SPOPL: variants seen among roughly 807,000 people sequenced by gnomAD.
SPOPL encodes speckle type BTB/POZ protein like.
SPOPL carries 23 observed loss-of-function variants against 53.8 expected under a neutral mutation model. The observed-to-expected ratio is 0.43, with a 90% CI of 0.31 to 0.61. SPOPL has a LOEUF of 0.61. SPOPL is among the 20% of genes least tolerant of loss of function. The pLI is 0.12. For missense variants in SPOPL, 442 were observed against 466.9 expected, an observed-to-expected ratio of 0.95 and a Z score of 0.49; for synonymous variants, 164 against 149.7, an observed-to-expected ratio of 1.10 and a Z score of -0.70.
chr2:138,567,020 CATTT>C (rs1181865413), intron 10 of SPOPL, among the ~76,000 whole-genome samples: 1 of 152,156 alleles, frequency 6.6e-6, no homozygotes, highest in Non-Finnish European at 1.5e-5. Flanking sequence ...GTTGATCATT[CATTT>C]GACAGATACT....
At chr2:138,558,539 G>T (rs917181410) in intron 5 of SPOPL, among the ~76,000 whole-genome samples, 5 of 151,944 alleles carry the variant, frequency 3.3e-5, no homozygotes, top group Admixed American at 2.0e-4. Context: ...TTCTCAATTT[G>T]CATATCATAG....
intron 1 of SPOPL, among the ~76,000 whole-genome samples, chr2:138,524,357 G>A (rs1320678093): frequency 1.3e-5 from 2 of 152,320 alleles, no homozygotes; most frequent in Non-Finnish European, 2.9e-5. Context: ...CTCCAGGCCT[G>A]AGATGGGAGG....
chr2:138,525,365 A>G (rs997331314), intron 1 of SPOPL, among the ~76,000 whole-genome samples: 3 of 152,146 alleles, frequency 2.0e-5, no homozygotes, highest in Admixed American at 2.0e-4. Context: ...GAGCTACAAG[A>G]TGAGATTTGG....
chr2:138,552,556 A>G lies in SPOPL; in HGVS notation c.355A>G (p.Ser119Gly). 1 of 1,602,208 alleles carries G rather than the reference A, an allele frequency of 6.2e-7. No individual in the cohort carries two copies. Among genetic ancestry groups the G allele is most frequent in the East Asian group, 2.2e-5 (1 of 44,670 alleles). The change falls in exon 5 of 11, where the codon AGC becomes GGC. Residue 119 changes from serine to glycine, a missense_variant and splice_region_variant. By Grantham distance (56) the Ser-to-Gly change is moderately conservative (BLOSUM62 0). Transcript: ENST00000280098. ...AKREETKAME[S>G]QRAYRFVQGK... is the part of the protein sequence containing the mutation. ...AACTCTATTCTGTTTTCCACCAGAA[A>G]GCCAAAGAGCATATCGATTTGTGCA...
At position 138,550,889 on chromosome 2, in the gene SPOPL, T is replaced by C; in HGVS notation, c.201-14T>C. On this transcript the variant is annotated splice_polypyrimidine_tract_variant and intron_variant, in intron 3 of 10. Transcript: ENST00000280098. The stretch of plus-strand genomic sequence containing the variant: ...TATTATATTCCTCCATGTGAGCTTA[T>C]TGTTTTATTTTAGGTGCCTGAGGGT... The C allele has an allele frequency of 6.3e-7, 1 of 1,599,954 alleles. No homozygotes were observed.
At chr2:138,550,652 A>G (rs1169321718) in intron 3 of SPOPL, 48 bp downstream of exon 3, 2 of 1,565,528 alleles carry the variant, frequency 1.3e-6, no homozygotes, top group Admixed American at 1.9e-5. Context: ...TTTTGATGTG[A>G]TCATCAGCTG....
At chr2:138,518,691 A>G (rs1684496976) in intron 1 of SPOPL, among the ~76,000 whole-genome samples, 3 of 152,180 alleles carry the variant, frequency 2.0e-5, no homozygotes, top group African/African-American at 7.2e-5. Context: ...TCTTTTTCCA[A>G]CTGCACATCC....
chr2:138,563,122 G>A (rs1685586102), intron 8 of SPOPL, among the ~76,000 whole-genome samples: 1 of 152,068 alleles, frequency 6.6e-6, no homozygotes, highest in African/African-American at 2.4e-5. Flanking sequence ...AGAAAACAAT[G>A]TTATTTCTAA....
chr2:138,545,054 A>G (rs968424107), intron 1 of SPOPL, among the ~76,000 whole-genome samples: 1 of 152,090 alleles, frequency 6.6e-6, no homozygotes, highest in Non-Finnish European at 1.5e-5. Flanking sequence ...GGCTATAACT[A>G]ATACATTTGC....
intron 1 of SPOPL, among the ~76,000 whole-genome samples, chr2:138,518,633 C>T (rs1387860180): frequency 1.3e-5 from 2 of 152,150 alleles, no homozygotes; most frequent in South Asian, 2.1e-4. Context: ...CCAGAAAGTT[C>T]CCTCAAAGGT....
At position 138,571,265 on chromosome 2, in the gene SPOPL, T is replaced by G. The variant is rs549312549; in HGVS notation, c.*2185T>G. 6.6e-6 allele frequency: 1 copy of G among 152,564 alleles called. No individual in the cohort carries two copies. Among genetic ancestry groups the G allele is most frequent in the Non-Finnish European group, 1.5e-5 (1 of 68,026 alleles). 9.5% of individuals were successfully genotyped at this position (152,564 alleles called of 1,614,324 possible). On this transcript the variant is annotated 3_prime_UTR_variant, in exon 11 of 11. Transcript: ENST00000280098. ...TGCGCACCACACCGGCACATTGTGA[T>G]TTAATTCACCGCTTGAATCTATATT...
At chr2:138,508,042 T>G (rs1350800590) in intron 1 of SPOPL, among the ~76,000 whole-genome samples, 2 of 152,194 alleles carry the variant, frequency 1.3e-5, no homozygotes, top group Non-Finnish European at 2.9e-5. Context: ...GAAGATGTAG[T>G]ACTAAACCTT....
Position 138,571,494 on chromosome 2 carries a change from TAATGCCTACC to T in SPOPL, c.*2416_*2425del, listed in dbSNP as rs1462351758. On this transcript the variant is annotated 3_prime_UTR_variant, in exon 11 of 11. Transcript: ENST00000280098. ...AGAAATGTCCACTTTTCAGATAATA[TAATGCCTACC>T]ATTATACTAACAGAATCATATGGTA... 6.6e-6 allele frequency: 1 copy of T among 152,588 alleles called. No individual in the cohort carries two copies. The highest frequency in any genetic ancestry group is 1.5e-5 in the Non-Finnish European group (1 of 68,016). 9.5% of individuals were successfully genotyped at this position (152,588 alleles called of 1,614,324 possible). A position where few individuals can be genotyped will look rare whatever the true frequency, so the allele number is the denominator to read the frequency against.
Position 138,572,057 on chromosome 2 carries a change from G to A in SPOPL, c.*2977G>A, listed in dbSNP as rs1032945991. The A allele has an allele frequency of 1.3e-5, 2 of 152,244 alleles. No individual in the cohort carries two copies. The highest frequency in any genetic ancestry group is 4.8e-5 in the African/African-American group (2 of 41,338). The allele number at this position is 152,244 out of a possible 1,614,324, so 9.4% of individuals were successfully genotyped here. On this transcript the variant is annotated 3_prime_UTR_variant, in exon 11 of 11. Coordinates refer to ENST00000280098, the MANE Select transcript of SPOPL (RefSeq NM_001001664.3). ...TGTGTTTGTGTACATACCTGTATTT[G>A]CTTGGGGCTTGTGTGTGGTATGTTA...
chr2:138,534,085 C>T (rs1162960052), intron 1 of SPOPL, among the ~76,000 whole-genome samples: 1 of 151,916 alleles, frequency 6.6e-6, no homozygotes, highest in Non-Finnish European at 1.5e-5. Context: ...TGATATACTG[C>T]AAAATTGAAG....
In SPOPL at chr2:138,530,851, G is replaced by A. The variant is rs573131331; in HGVS notation, c.-60-19306G>A. Among the ~76,000 whole-genome samples the A allele has an allele frequency of 3.0e-4, 45 of 151,916 alleles. 2 individuals are homozygous for A. In the South Asian group the frequency reaches 9.2e-3, roughly 31 times the overall value. On this transcript the variant is annotated intron_variant, in intron 1 of 10. Coordinates refer to ENST00000280098, the MANE Select transcript of SPOPL (RefSeq NM_001001664.3). ...GTACTGGATAGGACCTCTAGTACAT[G>A]TTGAATGGAAGTGGTAGTAGTGGTC...
chr2:138,565,516 T>G (rs1302164741), intron 10 of SPOPL, among the ~76,000 whole-genome samples: 1 of 152,206 alleles, frequency 6.6e-6, no homozygotes, highest in Non-Finnish European at 1.5e-5. Context: ...AGTTGCTATA[T>G]CTTTCTAAGA....
At chr2:138,506,205 T>C (rs888092715) in intron 1 of SPOPL, among the ~76,000 whole-genome samples, 2 of 152,262 alleles carry the variant, frequency 1.3e-5, no homozygotes, top group Non-Finnish European at 2.9e-5. Context: ...AAGTCATTGC[T>C]TCTCAAACTT....
At chr2:138,519,710 C>T (rs1031341613) in intron 1 of SPOPL, among the ~76,000 whole-genome samples, 3 of 152,126 alleles carry the variant, frequency 2.0e-5, no homozygotes, top group African/African-American at 7.2e-5. Context: ...AAGAAGATTG[C>T]TTGTCTGGGA....
Sources: allele counts gnomAD v4.1 joint callset (sites outside exome capture counted in the v4.1 genomes callset), GRCh38; gene constraint gnomAD v4.1.1; transcripts MANE v1.5; gene names NCBI Gene and HGNC (gene_info 2026-07-23, HGNC 2026-07-21).